The following GMPS variants were observed in gnomAD, a reference collection of about 807,000 sequenced individuals.
GMPS encodes the protein guanosine monophosphate synthase.
Under a neutral mutation model 77.9 loss-of-function variants are expected in GMPS, and 15 were observed. The ratio of observed to expected loss-of-function variants is 0.19; its 90% CI spans 0.13 to 0.30. GMPS has a LOEUF of 0.30. GMPS is among the 10% of genes least tolerant of loss of function. The pLI is 1.00. For missense variants in GMPS, 590 were observed against 838.8 expected (o/e 0.70, Z 3.66); for synonymous variants, 224 against 275.9 (o/e 0.81, Z 1.86).
chr3:155,923,358 T>A (rs115260847), intron 11 of GMPS, among the ~76,000 whole-genome samples: 48 of 152,224 alleles, frequency 3.2e-4, no homozygotes, highest in South Asian at 2.1e-3. Context: ...AGTGCTAACA[T>A]ATGTCCAGAA....
At chr3:155,874,901 C>CTTTTTTTTTTTTTTTT (rs1171275758) in intron 1 of GMPS, among the ~76,000 whole-genome samples, 2 of 71,414 alleles carry the variant, frequency 2.8e-5, no homozygotes, top group African/African-American at 5.5e-5. Flanking sequence ...ACTTTGTTTT[C>CTTTTTTTTTTTTTTTT]TTTTTTTTTT....
At chr3:155,901,241 A>G (rs1754727198) in intron 3 of GMPS, among the ~76,000 whole-genome samples, 1 of 152,016 alleles carries the variant, frequency 6.6e-6, no homozygotes, top group African/African-American at 2.4e-5. Context: ...CCTAAATAAT[A>G]TATTAGTTTT....
At chr3:155,925,863 C>T (rs1183565360) in intron 12 of GMPS, among the ~76,000 whole-genome samples, 1 of 152,076 alleles carries the variant, frequency 6.6e-6, no homozygotes, top group East Asian at 1.9e-4. Flanking sequence ...TTGTTCTCAG[C>T]TTGTGTATTC....
intron 1 of GMPS, among the ~76,000 whole-genome samples, chr3:155,872,890 C>CA (rs915553673): frequency 6.6e-6 from 1 of 152,166 alleles, no homozygotes; most frequent in Admixed American, 6.6e-5. Flanking sequence ...AAAGTCCTGA[C>CA]AAACCATAAC....
chr3:155,925,483 CA>C (rs1242995880), intron 12 of GMPS, 117 bp downstream of exon 12: 1 of 632,840 alleles, frequency 1.6e-6, no homozygotes, highest in East Asian at 3.0e-5. Context: ...CAGCTCATTG[CA>C]ACCTCCGCCT....
At position 155,893,558 on chromosome 3, in the gene GMPS, A is replaced by G; in HGVS notation, c.68A>G (p.His23Arg). The G allele has an allele frequency of 6.2e-7, 1 of 1,612,764 alleles. No individual in the cohort carries two copies. The highest frequency in any genetic ancestry group is 2.2e-5 in the East Asian group (1 of 44,838). The change falls in exon 2 of 16, where the codon CAC (histidine) becomes CGC (arginine). Residue 23 changes from histidine to arginine, a missense_variant. By Grantham distance (29) the His-to-Arg change is conservative. Transcript: ENST00000496455. ...AGGDLKDGHH[H>R]YEGAVVILDA... is the part of the protein sequence containing the mutation. ...GGAGACCTTAAGGATGGCCACCACC[A>G]CTATGAAGGAGCTGTTGTCATTCTG...
chr3:155,884,397 A>G (rs1754281137), intron 1 of GMPS, among the ~76,000 whole-genome samples: 1 of 151,934 alleles, frequency 6.6e-6, no homozygotes, highest in East Asian at 1.9e-4. Flanking sequence ...AGAAAAAAAA[A>G]AAAAAGAAAA....
In GMPS at chr3:155,943,494, A is replaced by G. The variant is rs1448866139; in HGVS notation, c.*5802A>G. The G allele has an allele frequency of 5.6e-6, 1 of 178,738 alleles. No homozygotes were observed. Among genetic ancestry groups the G allele is most frequent in the African/African-American group, 2.4e-5 (1 of 42,308 alleles). 11.1% of individuals were successfully genotyped at this position (178,738 alleles called of 1,614,324 possible). A position where few individuals can be genotyped will look rare whatever the true frequency, so the allele number is the denominator to read the frequency against. ...GCATCTCCTAAGACCATTGTTAACA[A>G]CCTTGATATTAAACGAAGAAGTGAA... is the stretch of plus-strand genomic sequence containing the variant. On this transcript the variant is annotated 3_prime_UTR_variant, in exon 16 of 16. Transcript: ENST00000496455.
intron 14 of GMPS, 42 bp from the exon 15 acceptor site, chr3:155,936,296 T>C (rs1394216534): frequency 7.5e-7 from 1 of 1,337,232 alleles, no homozygotes; most frequent in Non-Finnish European, 1.1e-6. Context: ...TAGAGTGCTT[T>C]TCTATGGTGT....
At chr3:155,905,071 G>T (rs1754838002) in intron 4 of GMPS, among the ~76,000 whole-genome samples, 1 of 151,772 alleles carries the variant, frequency 6.6e-6, no homozygotes, top group Non-Finnish European at 1.5e-5. Flanking sequence ...GCCCAGGCTG[G>T]AGTGCAGTGG....
chr3:155,870,818 C>G lies in GMPS; in HGVS notation c.-53C>G. On this transcript the variant is annotated 5_prime_UTR_variant, in exon 1 of 16. Transcript: ENST00000496455. ...CGGCGCCGACCCTTCCGGCACCCTC[C>G]CGCCCCGTCTCGTACTGTCGCCGTC... The G allele has an allele frequency of 7.8e-7, 1 of 1,276,834 alleles. No homozygotes were observed. The highest frequency in any genetic ancestry group is 2.9e-5 in the East Asian group (1 of 34,222). The allele number at this position is 1,276,834 out of a possible 1,614,324, so 79.1% of individuals were successfully genotyped here.
rs1755938708 is a variant in GMPS at position 155,943,363 on chromosome 3, A to G, written c.*5671A>G. Reference sequence around the variant, plus strand: ...TGAGTATATTAAGTACAACTACAAAATCCTCTGAGTTCTCCAGGAAGCCTA... The same window carrying G: ...TGAGTATATTAAGTACAACTACAAAGTCCTCTGAGTTCTCCAGGAAGCCTA... On this transcript the variant is annotated 3_prime_UTR_variant, in exon 16 of 16. Coordinates refer to ENST00000496455, the MANE Select transcript of GMPS (RefSeq NM_003875.3). 5.5e-6 allele frequency: 1 copy of G among 181,356 alleles called. No individual in the cohort carries two copies. The highest frequency in any genetic ancestry group is 1.2e-5 in the Non-Finnish European group (1 of 84,974). 11.2% of individuals were successfully genotyped at this position (181,356 alleles called of 1,614,324 possible). A position where few individuals can be genotyped will look rare whatever the true frequency, so the allele number is the denominator to read the frequency against.
intron 3 of GMPS, among the ~76,000 whole-genome samples, chr3:155,899,773 C>T (rs1754689047): frequency 6.6e-6 from 1 of 152,202 alleles, no homozygotes; most frequent in African/African-American, 2.4e-5. Flanking sequence ...CATATCCTGG[C>T]AACCACTGAT....
At chr3:155,869,641 T>C (rs935804405), upstream of GMPS, among the ~76,000 whole-genome samples, 2 of 152,212 alleles carry the variant, frequency 1.3e-5, no homozygotes, top group Non-Finnish European at 2.9e-5. Flanking sequence ...TAAGCCTCAA[T>C]TTCCTCATTT....
chr3:155,907,765 A>T (rs1379342913), intron 5 of GMPS, among the ~76,000 whole-genome samples: 1 of 152,232 alleles, frequency 6.6e-6, no homozygotes, highest in Non-Finnish European at 1.5e-5. Context: ...TTGCAATTTT[A>T]TAGGCTATTC....
chr3:155,925,289 CAGG>C lies in GMPS; in HGVS notation c.1486_1488del (p.Glu496del). The C allele has an allele frequency of 6.2e-7, 1 of 1,611,964 alleles. No homozygotes were observed. The highest frequency in any genetic ancestry group is 8.5e-7 in the Non-Finnish European group (1 of 1,178,092). On this transcript the variant is annotated inframe_deletion, in exon 12 of 16. Transcript: ENST00000496455. ...CAAAGCCTGCACAACAGAAGAGGAT[CAGG>C]AGAAGCTGATGCAAATTACCAGTCT...
At chr3:155,929,960 G>A (rs201901708) in intron 12 of GMPS, among the ~76,000 whole-genome samples, 2,765 of 139,852 alleles carry the variant, frequency 0.02, 19 homozygotes, top group East Asian at 0.069. Context: ...TACAGATTCA[G>A]TGCCATCCCC....
In GMPS at chr3:155,893,553, C is replaced by T. The variant is rs1239129264; in HGVS notation, c.63C>T (p.His21=). ...CTGGAGGAGACCTTAAGGATGGCCA[C>T]CACCACTATGAAGGAGCTGTTGTCA... ...ENAGGDLKDG[H]HHYEGAVVIL... is the part of the protein sequence containing the mutation. Residue 21 remains histidine, a synonymous_variant, in exon 2 of 16, where the codon CAC becomes CAT. Coordinates refer to ENST00000496455, the MANE Select transcript of GMPS (RefSeq NM_003875.3). 2.5e-6 allele frequency: 4 copies of T among 1,612,208 alleles called. No homozygotes were observed. The highest frequency in any genetic ancestry group is 3.4e-6 in the Non-Finnish European group (4 of 1,178,758).
At chr3:155,896,207 T>G (rs1462901693) in intron 2 of GMPS, among the ~76,000 whole-genome samples, 4 of 151,930 alleles carry the variant, frequency 2.6e-5, no homozygotes, top group African/African-American at 9.7e-5. Flanking sequence ...GACAGGGTTT[T>G]GCCATGTTAG....
Sources: gnomAD v4.1 joint callset for allele counts (sites outside exome capture counted in the v4.1 genomes callset) on GRCh38, gnomAD v4.1.1 for gene constraint, MANE v1.5 for transcripts, NCBI Gene and HGNC (gene_info 2026-07-23, HGNC 2026-07-21) for gene names.